Variants in RICTOR observed in about 807,000 individuals in gnomAD.
RICTOR encodes the protein rapamycin-insensitive companion of mTOR.
A neutral mutation model predicts 214.9 loss-of-function variants in RICTOR; 49 were observed. The observed-to-expected ratio is 0.23, with a 90% CI of 0.18 to 0.29. The LOEUF is 0.29. Among genes scored for constraint, RICTOR ranks in the 10% least tolerant of loss-of-function variants. The pLI is 1.00. For missense variants in RICTOR, 1,625 were observed against 2,047.0 expected (o/e 0.79, Z 3.98); for synonymous variants, 717 against 711.3 (o/e 1.01, Z -0.13).
Position 38,975,579 on chromosome 5 carries a change from C to T in RICTOR, c.847G>A (p.Ala283Thr), listed in dbSNP as rs1751142403. The T allele has an allele frequency of 1.2e-6, 2 of 1,613,674 alleles. No individual in the cohort carries two copies. The highest frequency in any genetic ancestry group is 1.7e-6 in the Non-Finnish European group (2 of 1,179,798). The change falls in exon 10 of 38, where the codon GCC becomes ACC. Residue 283 changes from alanine to threonine, a missense_variant. Ala to Thr is a moderately conservative substitution (Grantham distance 58). Transcript: ENST00000357387. The part of the protein sequence containing the change: ...LKEDREARFL[A>T]SKMGIIATFR... ...GTTGCTATGATTCCCATTTTACTGGCTAGAAATCGTGCTTCTCTGTCTTCT... is the reference window on the plus strand; with the variant it reads ...GTTGCTATGATTCCCATTTTACTGGTTAGAAATCGTGCTTCTCTGTCTTCT...
chr5:39,055,744 C>G (rs181847537), intron 2 of RICTOR, among the ~76,000 whole-genome samples: 14 of 152,182 alleles, frequency 9.2e-5, no homozygotes, highest in Admixed American at 6.5e-4. Flanking sequence ...GGAAGATTGA[C>G]TTTTTGGGAA....
rs1358737956 is a variant in RICTOR, at chr5:38,958,504, G to A, written c.2359C>T (p.Leu787Phe). The part of the protein sequence containing the change: ...ACEDKANLHA[L>F]IQMKPALSHL... ...GATAACGCTGGTTTCATCTGAATGAGAGCATGAAGATTGGCCTAAAAGAGA... is the reference window on the plus strand; with the variant it reads ...GATAACGCTGGTTTCATCTGAATGAAAGCATGAAGATTGGCCTAAAAGAGA... The change falls in exon 24 of 38, where the codon CTC becomes TTC. Residue 787 changes from leucine to phenylalanine, a missense_variant. Physicochemically the swap from Leu to Phe is conservative, Grantham distance 22. Transcript: ENST00000357387. 1.9e-6 allele frequency: 3 copies of A among 1,611,850 alleles called. No homozygotes were observed. The highest frequency in any genetic ancestry group is 1.3e-5 in the African/African-American group (1 of 74,968).
chr5:38,987,445 C>T (rs4276436), intron 7 of RICTOR, among the ~76,000 whole-genome samples: 7,139 of 151,930 alleles, frequency 0.047, 342 homozygotes, highest in East Asian at 0.27. Context: ...CTTGGGAGGG[C>T]GTATGTGTCC....
chr5:39,001,302 C>T (rs1296859265), intron 5 of RICTOR, among the ~76,000 whole-genome samples: 3 of 152,020 alleles, frequency 2.0e-5, no homozygotes, highest in Non-Finnish European at 4.4e-5. Context: ...ACCTGATTTA[C>T]AACAAAGGTG....
In RICTOR at chr5:38,939,127, A is replaced by G. The variant is rs1747261289; in HGVS notation, c.*3177T>C. On this transcript the variant is annotated 3_prime_UTR_variant, in exon 38 of 38. Coordinates refer to ENST00000357387, the MANE Select transcript of RICTOR (RefSeq NM_152756.5). ...ACAATTTGGTTTTTATTGCTTAATGATCTGTGCTTTAATGTGGGGATAAAA... is the reference window on the plus strand; with the variant it reads ...ACAATTTGGTTTTTATTGCTTAATGGTCTGTGCTTTAATGTGGGGATAAAA... 1 of 232,928 alleles carries G rather than the reference A, an allele frequency of 4.3e-6. No individual in the cohort carries two copies. The highest frequency in any genetic ancestry group is 8.5e-6 in the Non-Finnish European group (1 of 117,700). 14.4% of individuals were successfully genotyped at this position (232,928 alleles called of 1,614,324 possible). A position where few individuals can be genotyped will look rare whatever the true frequency, so the allele number is the denominator to read the frequency against.
At chr5:38,990,548 G>GATATATACACGATATATATACGAT (rs150216191) in intron 7 of RICTOR, among the ~76,000 whole-genome samples, 1 of 41,862 alleles carries the variant, frequency 2.4e-5, no homozygotes, top group Non-Finnish European at 5.2e-5. Context: ...ATATATACAC[G>GATATATACACGATATATATACGAT]ATATACACGA....
At chr5:39,040,629 T>C (rs1375983864) in intron 2 of RICTOR, among the ~76,000 whole-genome samples, 1 of 152,070 alleles carries the variant, frequency 6.6e-6, no homozygotes, top group Non-Finnish European at 1.5e-5. Flanking sequence ...AAAAAAGTTG[T>C]TAACACTATC....
intron 2 of RICTOR, among the ~76,000 whole-genome samples, chr5:39,028,662 G>A (rs1209039157): frequency 2.0e-5 from 3 of 152,102 alleles, no homozygotes; most frequent in Non-Finnish European, 4.4e-5. Flanking sequence ...GCCCCAAAGT[G>A]GAAACAACCC....
At chr5:39,036,287 G>A (rs936201208) in intron 2 of RICTOR, among the ~76,000 whole-genome samples, 1 of 152,144 alleles carries the variant, frequency 6.6e-6, no homozygotes, top group Admixed American at 6.5e-5. Flanking sequence ...GTCACCACCA[G>A]GCCTGCCCTA....
At chr5:39,058,185 C>A (rs1337656358) in intron 2 of RICTOR, among the ~76,000 whole-genome samples, 1 of 151,838 alleles carries the variant, frequency 6.6e-6, no homozygotes, top group Non-Finnish European at 1.5e-5. Flanking sequence ...GGCAAATAAT[C>A]ACTGAAAACA....
At chr5:38,942,726 G>T in intron 37 of RICTOR, 107 bp downstream of exon 37, 1 of 885,416 alleles carries the variant, frequency 1.1e-6, no homozygotes, top group Non-Finnish European at 1.8e-6. Flanking sequence ...AAAGTGCTGG[G>T]ATTGTAGGCA....
chr5:38,964,709 ATTTT>A, intron 16 of RICTOR, 79 bp downstream of exon 16: 1 of 672,156 alleles, frequency 1.5e-6, no homozygotes, highest in Non-Finnish European at 2.4e-6. Context: ...TATCCATACT[ATTTT>A]TTTTAAAAAG....
chr5:39,040,991 A>G (rs1757123067), intron 2 of RICTOR, among the ~76,000 whole-genome samples: 2 of 152,214 alleles, frequency 1.3e-5, no homozygotes, highest in African/African-American at 4.8e-5. Context: ...AGAGTGATTG[A>G]TAGAGATTTC....
chr5:39,051,575 C>T (rs1757852639), intron 2 of RICTOR, among the ~76,000 whole-genome samples: 1 of 152,034 alleles, frequency 6.6e-6, no homozygotes, highest in African/African-American at 2.4e-5. Context: ...TGGCGAAACC[C>T]CATCTTTACT....
intron 37 of RICTOR, 30 bp from the exon 38 acceptor site, chr5:38,942,408 C>A: frequency 7.2e-7 from 1 of 1,397,088 alleles, no homozygotes. Context: ...TCATCAATTA[C>A]TTTTATAAAA....
intron 3 of RICTOR, among the ~76,000 whole-genome samples, chr5:39,007,333 T>C (rs1466692254): frequency 1.3e-5 from 2 of 152,206 alleles, no homozygotes; most frequent in Non-Finnish European, 2.9e-5. Context: ...TATCTTCCTA[T>C]GTGTATGTCT....
chr5:38,987,287 C>T (rs899120150), intron 7 of RICTOR, among the ~76,000 whole-genome samples: 6 of 152,138 alleles, frequency 3.9e-5, no homozygotes, highest in African/African-American at 1.4e-4. Flanking sequence ...GGAACGGTTT[C>T]AGAAGGTGTG....
rs1291433611 is a variant in RICTOR, at chr5:38,957,687, C to G, written c.2464G>C (p.Gly822Arg). 1.3e-6 allele frequency: 2 copies of G among 1,591,416 alleles called. No homozygotes were observed. Among genetic ancestry groups the G allele is most frequent in the Non-Finnish European group, 1.7e-6 (2 of 1,165,064 alleles). ...TTTTCCAATTGTTTTGCTACATAACCTCTTTCATTCAGATAGGAAAATCCT... is the reference window on the plus strand; with the variant it reads ...TTTTCCAATTGTTTTGCTACATAACGTCTTTCATTCAGATAGGAAAATCCT... ...PKGFSYLNER[G>R]YVAKQLEKWH... Residue 822 changes from glycine (G) to arginine (R), a missense_variant, in exon 25 of 38, where the codon GGT becomes CGT. Around this residue, in one of 5 missense-constraint regions of RICTOR, gnomAD observed 1,214 missense variants for 1,470.5 expected, o/e 0.83. Transcript: ENST00000357387.
At chr5:39,018,499 C>T (rs944972785) in intron 3 of RICTOR, among the ~76,000 whole-genome samples, 1 of 152,120 alleles carries the variant, frequency 6.6e-6, no homozygotes, top group Non-Finnish European at 1.5e-5. Context: ...AAAGCATGCG[C>T]TCACTTTGCA....
Sources: allele counts gnomAD v4.1 joint callset (sites outside exome capture counted in the v4.1 genomes callset), GRCh38; gene constraint gnomAD v4.1.1; regional missense constraint gnomAD v4.1.1; transcripts MANE v1.5; gene names NCBI Gene and HGNC (gene_info 2026-07-23, HGNC 2026-07-21).